UBOX5: variants seen among roughly 807,000 people sequenced by gnomAD.
The protein encoded by UBOX5 is U-box domain containing 5.
A neutral mutation model predicts 39.0 loss-of-function variants in UBOX5; 28 were observed. The observed-to-expected ratio is 0.72, with a 90% CI of 0.53 to 0.98. The LOEUF is 0.98. UBOX5 is among the 50% of genes least tolerant of loss of function. The pLI is 0.00. For missense variants in UBOX5, 585 were observed against 674.4 expected (o/e 0.87, Z 1.47); for synonymous variants, 283 against 275.5 (o/e 1.03, Z -0.27).
chr20:3,143,618 A>C (rs1216183408), intron 1 of UBOX5, among the ~76,000 whole-genome samples: 1 of 151,136 alleles, frequency 6.6e-6, no homozygotes, highest in Non-Finnish European at 1.5e-5. Flanking sequence ...AGATGGCGAA[A>C]CCCTGTCTCT....
rs537768948 is a variant in UBOX5, at chr20:3,158,555, A to G, written c.-42+1211T>C. ...GTGGCGCGATCTCGGCTCACTGCAC[A>G]CTCCGCCTCCCGGGGTTCACGCCAC... is the stretch of plus-strand genomic sequence containing the variant. On this transcript the variant is annotated intron_variant, in intron 1 of 4. Coordinates refer to ENST00000217173, the MANE Select transcript of UBOX5 (RefSeq NM_014948.4). Among the ~76,000 whole-genome samples, 218 of 151,782 alleles carry G rather than the reference A, an allele frequency of 1.4e-3. 1 individual carries two copies. Among genetic ancestry groups the G allele is most frequent in the African/African-American group, 4.9e-3 (202 of 41,378 alleles).
At chr20:3,141,875 G>A (rs1004423782) in intron 1 of UBOX5, among the ~76,000 whole-genome samples, 4 of 152,070 alleles carry the variant, frequency 2.6e-5, no homozygotes, top group Middle Eastern at 3.4e-3. Context: ...GCCAGATGTC[G>A]TAGTGTGCCC....
intron 1 of UBOX5, among the ~76,000 whole-genome samples, chr20:3,158,149 C>T (rs1326527699): frequency 6.6e-6 from 1 of 151,634 alleles, no homozygotes; most frequent in African/African-American, 2.4e-5. Context: ...TTGTTTTTTT[C>T]GTAGAGACAG....
chr20:3,126,114 G>C (rs1378547572), intron 1 of UBOX5, among the ~76,000 whole-genome samples: 4 of 152,226 alleles, frequency 2.6e-5, no homozygotes, highest in Admixed American at 1.3e-4. Context: ...GATTGTTACT[G>C]TGTCTGTGTA....
chr20:3,110,141 C>T lies in UBOX5; in HGVS notation c.1591G>A (p.Val531Ile). Residue 531 changes from valine (V) to isoleucine (I), a missense_variant, in exon 5 of 5, where the codon GTT (valine) becomes ATT (isoleucine). Transcript: ENST00000217173. Reference protein sequence around the residue: ...PMTCTACQRPVASQDVLRVHF With the variant: ...PMTCTACQRPIASQDVLRVHF ...ACCCGCAGCACGTCTTGGCTAGCAA[C>T]CGGCCGCTGGCAGGCTGTGCACGTC... The T allele has an allele frequency of 6.2e-7, 1 of 1,612,876 alleles. No individual in the cohort carries two copies. The highest frequency in any genetic ancestry group is 8.5e-7 in the Non-Finnish European group (1 of 1,180,030).
intron 3 of UBOX5, among the ~76,000 whole-genome samples, chr20:3,119,366 A>G (rs2066317229): frequency 6.6e-6 from 1 of 152,200 alleles, no homozygotes; most frequent in Admixed American, 6.5e-5. Flanking sequence ...GATCCTTGAG[A>G]TGACCACAGC....
intron 1 of UBOX5, among the ~76,000 whole-genome samples, chr20:3,152,218 T>C (rs565487044): frequency 2.0e-5 from 3 of 151,290 alleles, no homozygotes; most frequent in African/African-American, 7.3e-5. Context: ...CAGTGACTCA[T>C]GTCTGTAATC....
intron 1 of UBOX5, among the ~76,000 whole-genome samples, chr20:3,155,867 T>C (rs968397036): frequency 2.6e-5 from 4 of 152,216 alleles, no homozygotes; most frequent in Admixed American, 6.5e-5. Context: ...CTACTTACTC[T>C]TTTCACTATG....
In UBOX5 at chr20:3,115,317, C is replaced by G. The variant is rs2066284936; in HGVS notation, c.1405G>C (p.Gly469Arg). 6.2e-7 allele frequency: 1 copy of G among 1,611,620 alleles called. No homozygotes were observed. The highest frequency in any genetic ancestry group is 2.2e-5 in the East Asian group (1 of 44,654). The change falls in exon 4 of 5, where the codon GGC becomes CGC. Residue 469 changes from glycine (G) to arginine (R), a missense_variant. Coordinates refer to ENST00000217173, the MANE Select transcript of UBOX5 (RefSeq NM_014948.4). ...TRGSNTSWRP[G>R]TGSEQPGSIL... ...GGGCCCATGTTACCCGAGCCGGTGC[C>G]AGGCCTCCAGGAAGTGTTGCTCCCT...
chr20:3,143,949 C>T (rs944465085), intron 1 of UBOX5, among the ~76,000 whole-genome samples: 1 of 151,904 alleles, frequency 6.6e-6, no homozygotes, highest in African/African-American at 2.4e-5. Context: ...CAGAGCGAGA[C>T]CCTATATCAA....
At chr20:3,154,263 G>A (rs900243740) in intron 1 of UBOX5, among the ~76,000 whole-genome samples, 1 of 152,180 alleles carries the variant, frequency 6.6e-6, no homozygotes, top group African/African-American at 2.4e-5. Flanking sequence ...CAGGAGAGGA[G>A]AATCATACTT....
chr20:3,112,080 C>T (rs1261536356), intron 4 of UBOX5, among the ~76,000 whole-genome samples: 2 of 143,634 alleles, frequency 1.4e-5, no homozygotes, highest in Non-Finnish European at 3.0e-5. Context: ...CCTGTGCACA[C>T]AAGCCAAAAA....
intron 1 of UBOX5, among the ~76,000 whole-genome samples, chr20:3,128,756 G>C (rs369240696): frequency 1.3e-5 from 2 of 152,078 alleles, no homozygotes; most frequent in African/African-American, 4.8e-5. Flanking sequence ...CCAGCTACTT[G>C]GGAGGCGGAG....
intron 3 of UBOX5, among the ~76,000 whole-genome samples, chr20:3,120,601 A>C (rs958123420): frequency 2.6e-5 from 4 of 151,052 alleles, no homozygotes; most frequent in African/African-American, 9.8e-5. Context: ...AGCCGAGATC[A>C]TGCCACCGCA....
rs1218580602 is a variant in UBOX5, at chr20:3,122,298, G to A, written c.341C>T (p.Ala114Val). The A allele has an allele frequency of 9.9e-6, 16 of 1,614,026 alleles. No individual in the cohort carries two copies. Among genetic ancestry groups the A allele is most frequent in the African/African-American group, 2.7e-5 (2 of 74,908 alleles). ...TAAGACTTTGCCTACCAAGGTGAAC[G>A]CCTCCTTGTCTGGGACAGATGGCTC... ...PAEPSVPDKE[A>V]FTLVGKVLLK... The change falls in exon 3 of 5, where the codon GCG (alanine) becomes GTG (valine). Residue 114 changes from alanine to valine, a missense_variant. Ala to Val is a moderately conservative substitution (Grantham distance 64). Coordinates refer to ENST00000217173, the MANE Select transcript of UBOX5 (RefSeq NM_014948.4).
At chr20:3,124,321 C>G (rs566436132) in intron 1 of UBOX5, among the ~76,000 whole-genome samples, 1 of 152,176 alleles carries the variant, frequency 6.6e-6, no homozygotes, top group Non-Finnish European at 1.5e-5. Flanking sequence ...CTCGGGCTCC[C>G]GTGATTCTCC....
intron 1 of UBOX5, among the ~76,000 whole-genome samples, chr20:3,151,109 C>T (rs952828027): frequency 2.6e-5 from 4 of 151,912 alleles, no homozygotes; most frequent in African/African-American, 9.7e-5. Flanking sequence ...CACAATGTTG[C>T]CAAGGCTGGT....
chr20:3,152,412 G>C (rs892992736), intron 1 of UBOX5, among the ~76,000 whole-genome samples: 11 of 152,002 alleles, frequency 7.2e-5, no homozygotes, highest in African/African-American at 2.4e-4. Context: ...TGAGGCGGGA[G>C]AATCACTTGA....
chr20:3,111,794 G>A (rs969469073), intron 4 of UBOX5: 1 of 152,310 alleles, frequency 6.6e-6, no homozygotes, highest in African/African-American at 2.4e-5. Context: ...AGGTCCTGAG[G>A]GTCAGGACTA....
Sources: gnomAD v4.1 joint callset for allele counts (sites outside exome capture counted in the v4.1 genomes callset) on GRCh38, gnomAD v4.1.1 for gene constraint, MANE v1.5 for transcripts, NCBI Gene and HGNC (gene_info 2026-07-23, HGNC 2026-07-21) for gene names.